PDCD6: variants seen among roughly 807,000 people sequenced by gnomAD.
PDCD6 encodes the protein programmed cell death protein 6.
PDCD6 carries 12 observed loss-of-function variants against 28.3 expected under a neutral mutation model. That is an observed-to-expected ratio of 0.42 (90% CI 0.27 to 0.69). The LOEUF is 0.69. Among genes scored for constraint, PDCD6 ranks in the 30% least tolerant of loss-of-function variants. The pLI, the probability that PDCD6 is intolerant of heterozygous loss-of-function variation, is 0.22. For missense variants in PDCD6, 226 were observed against 269.9 expected, an observed-to-expected ratio of 0.84 and a Z score of 1.14; for synonymous variants, 92 against 108.0, an observed-to-expected ratio of 0.85 and a Z score of 0.92.
At chr5:304,864 G>C (rs1402470588) in intron 3 of PDCD6, 1 of 152,150 alleles carries the variant, frequency 6.6e-6, no homozygotes, top group East Asian at 1.9e-4. Flanking sequence ...GTTTTTGTTT[G>C]TTTCTTTTAA....
chr5:297,367 A>C (rs978882957), intron 2 of PDCD6, among the ~76,000 whole-genome samples: 8 of 152,264 alleles, frequency 5.3e-5, no homozygotes, highest in African/African-American at 1.7e-4. Flanking sequence ...TACGGATTTC[A>C]TAATTGTGTT....
intron 2 of PDCD6, among the ~76,000 whole-genome samples, chr5:274,501 G>A (rs995156848): frequency 1.2e-4 from 18 of 152,212 alleles, no homozygotes; most frequent in African/African-American, 4.1e-4. Flanking sequence ...AAATGCATGC[G>A]AGGTGTTTCC....
At chr5:287,943 A>G (rs1047537498) in intron 2 of PDCD6, among the ~76,000 whole-genome samples, 3 of 152,262 alleles carry the variant, frequency 2.0e-5, no homozygotes, top group Non-Finnish European at 4.4e-5. Context: ...TATCAGCTTC[A>G]TAAACATTCA....
chr5:289,318 G>T, intron 2 of PDCD6: 1 of 545,922 alleles, frequency 1.8e-6, no homozygotes, highest in Non-Finnish European at 3.4e-6. Context: ...ATTACAAGGA[G>T]TTCTATTATG....
In PDCD6 at chr5:276,527, C is replaced by G. The variant is rs928546093; in HGVS notation, c.163+3755C>G. The G allele has an allele frequency of 2.8e-5, 27 of 977,522 alleles. No homozygotes were observed. In the Admixed American group the frequency reaches 1.2e-3, roughly 45 times the overall value. The allele number at this position is 977,522 out of a possible 1,614,324, so 60.6% of individuals were successfully genotyped here. On this transcript the variant is annotated intron_variant, in intron 2 of 5. Transcript: ENST00000264933. ...TCTTGCTCAGGCTGGTCTCAAACTCCTAGGCTCAAGTGATCCTCCTGCCTC... is the reference window on the plus strand; with the variant it reads ...TCTTGCTCAGGCTGGTCTCAAACTCGTAGGCTCAAGTGATCCTCCTGCCTC...
chr5:312,110 C>T (rs1740958473), intron 5 of PDCD6: 1 of 152,454 alleles, frequency 6.6e-6, no homozygotes, highest in Non-Finnish European at 1.5e-5. Context: ...GCTCAGGCCG[C>T]CCTCAGTGGG....
chr5:273,604 T>C (rs1029101741), intron 2 of PDCD6, among the ~76,000 whole-genome samples: 8 of 152,174 alleles, frequency 5.3e-5, no homozygotes, highest in African/African-American at 1.9e-4. Flanking sequence ...CTTCTTGTTA[T>C]TAGTGGGAAG....
chr5:293,976 G>A (rs533161422), intron 2 of PDCD6, among the ~76,000 whole-genome samples: 60 of 138,828 alleles, frequency 4.3e-4, no homozygotes, highest in Non-Finnish European at 7.2e-4. Context: ...ACAGCACGAG[G>A]CACTGGGAGC....
chr5:296,077 G>C (rs1739591554), intron 2 of PDCD6, among the ~76,000 whole-genome samples: 1 of 152,150 alleles, frequency 6.6e-6, no homozygotes, highest in Non-Finnish European at 1.5e-5. Flanking sequence ...TACCTGGGAG[G>C]CCTGATGGTC....
chr5:311,422 T>A lies in PDCD6; in HGVS notation c.477+20T>A. On this transcript the variant is annotated intron_variant, in intron 5 of 5. Transcript: ENST00000264933. ...CTGCAGGTGACGGAATGGCTTCACG[T>A]GGGTTTGTGGTGGTGGTGGGAGGGG... The A allele has an allele frequency of 6.4e-7, 1 of 1,560,590 alleles. No individual in the cohort carries two copies. Among genetic ancestry groups the A allele is most frequent in the Non-Finnish European group, 8.8e-7 (1 of 1,131,698 alleles).
chr5:272,674 T>C (rs764460544), intron 1 of PDCD6, 37 bp from the exon 2 acceptor site: 3 of 1,550,830 alleles, frequency 1.9e-6, no homozygotes, highest in South Asian at 2.3e-5. Context: ...TCCTGAACTT[T>C]CGATCGCCAG....
chr5:283,440 T>G (rs1304520659), intron 2 of PDCD6, among the ~76,000 whole-genome samples: 2 of 151,808 alleles, frequency 1.3e-5, no homozygotes, highest in African/African-American at 4.8e-5. Flanking sequence ...TTTGAGGATC[T>G]TGTAGCTGCA....
In PDCD6 at chr5:314,909, TAA is replaced by T; in HGVS notation, c.*398_*399del. On this transcript the variant is annotated 3_prime_UTR_variant, in exon 6 of 6. Coordinates refer to ENST00000264933, the MANE Select transcript of PDCD6 (RefSeq NM_013232.4). The stretch of plus-strand genomic sequence containing the variant: ...AGGCTTTTCATGTGCCTTACTTTTT[TAA>T]AAAGGAGTTTATTGTATTCATTGGA... 1 of 337,702 alleles carries T rather than the reference TAA, an allele frequency of 3.0e-6. No individual in the cohort carries two copies. The highest frequency in any genetic ancestry group is 5.8e-6 in the Non-Finnish European group (1 of 172,722). The allele number at this position is 337,702 out of a possible 1,614,324, so 20.9% of individuals were successfully genotyped here.
chr5:284,973 G>A (rs551289642), intron 2 of PDCD6, among the ~76,000 whole-genome samples: 33 of 146,286 alleles, frequency 2.3e-4, no homozygotes, highest in African/African-American at 8.0e-4. Context: ...CAGCTGCACA[G>A]CTCTCAAACT....
chr5:297,019 A>G (rs1424318933), intron 2 of PDCD6, among the ~76,000 whole-genome samples: 3 of 152,190 alleles, frequency 2.0e-5, no homozygotes, highest in African/African-American at 4.8e-5. Context: ...CATCCGCACA[A>G]GTGCCTCAGG....
intron 2 of PDCD6, among the ~76,000 whole-genome samples, chr5:275,469 T>G (rs561968207): frequency 1.3e-5 from 2 of 152,252 alleles, no homozygotes; most frequent in Non-Finnish European, 2.9e-5. Context: ...TATAAACGTT[T>G]ACCTGATGAC....
intron 2 of PDCD6, among the ~76,000 whole-genome samples, chr5:292,978 A>G (rs1039624455): frequency 1.1e-4 from 17 of 152,150 alleles, no homozygotes; most frequent in African/African-American, 4.1e-4. Context: ...GGGCGGCCCC[A>G]AGACCTGCTC....
Position 311,224 on chromosome 5 carries a change from A to G in PDCD6, c.368-69A>G. 3 of 1,160,266 alleles carry G rather than the reference A, an allele frequency of 2.6e-6. No homozygotes were observed. The South Asian group carries it at 3.8e-5, about 15-fold the overall frequency. The allele number at this position is 1,160,266 out of a possible 1,614,324, so 71.9% of individuals were successfully genotyped here. ...TTAGAGGCTGTGGGCCTTGGGCAGG[A>G]GGGGTGAGTGTTGGCACATACCTCC... On this transcript the variant is annotated intron_variant, in intron 4 of 5. Transcript: ENST00000264933.
At chr5:306,481 C>A in intron 3 of PDCD6, 121 bp from the exon 4 acceptor site, 1 of 838,204 alleles carries the variant, frequency 1.2e-6, no homozygotes, top group Non-Finnish European at 2.0e-6. Context: ...ATTGCCCAGT[C>A]CCTGGTTAGT....
Sources: gnomAD v4.1 joint callset for allele counts (sites outside exome capture counted in the v4.1 genomes callset) on GRCh38, gnomAD v4.1.1 for gene constraint, MANE v1.5 for transcripts, NCBI Gene and HGNC (gene_info 2026-07-23, HGNC 2026-07-21) for gene names.